Variants in KCTD20 observed in about 807,000 individuals in gnomAD.
The protein encoded by KCTD20 is potassium channel tetramerization domain containing 20.
Under a neutral mutation model 39.6 loss-of-function variants are expected in KCTD20, and 30 were observed. That is an observed-to-expected ratio of 0.76 (90% confidence interval 0.57 to 1.03). The LOEUF is 1.03. Ranked by LOEUF, KCTD20 falls within the 50% of genes least tolerant of loss-of-function variation. The pLI is 0.00. For missense variants in KCTD20, 422 were observed against 522.0 expected (o/e 0.81, Z 1.87); for synonymous variants, 162 against 180.6 (o/e 0.90, Z 0.83).
rs929844504 is a variant in KCTD20 at position 36,469,484 on chromosome 6, T to C, written c.-46-568T>C. 6.6e-6 allele frequency among the ~76,000 whole-genome samples: 1 copy of C among 151,086 alleles called. No individual in the cohort carries two copies. Among genetic ancestry groups the C allele is most frequent in the African/African-American group, 2.4e-5 (1 of 40,940 alleles). On this transcript the variant is annotated intron_variant, in intron 1 of 7. Transcript: ENST00000373731. The surrounding 1 kb of genome is among the most constrained non-coding windows in gnomAD (Gnocchi z 4.6). ...GCCAGTGTGATTTTGAGGTGGGGTT[T>C]CGGGATTGAGCATAAGGTATACAAA... is the stretch of plus-strand genomic sequence containing the variant.
intron 6 of KCTD20, among the ~76,000 whole-genome samples, chr6:36,482,769 A>C (rs1285597864): frequency 6.6e-6 from 1 of 151,906 alleles, no homozygotes; most frequent in East Asian, 1.9e-4. Context: ...AATATAGTGA[A>C]ACCCCATCTC....
intron 2 of KCTD20, 120 bp from the exon 3 acceptor site, chr6:36,474,669 G>T: frequency 2.3e-6 from 2 of 885,444 alleles, no homozygotes; most frequent in African/African-American, 1.7e-5. Context: ...TTTTTTGCCT[G>T]TGAACATCTA....
chr6:36,474,393 G>A (rs1776002011), intron 2 of KCTD20, among the ~76,000 whole-genome samples: 1 of 152,172 alleles, frequency 6.6e-6, no homozygotes, highest in Non-Finnish European at 1.5e-5. Flanking sequence ...GTGAAAACAA[G>A]TAAAAAGTGA....
At chr6:36,471,839 G>C (rs1436212825) in intron 2 of KCTD20, among the ~76,000 whole-genome samples, 1 of 151,572 alleles carries the variant, frequency 6.6e-6, no homozygotes, top group East Asian at 1.9e-4. Flanking sequence ...TAGTAATTCT[G>C]GTATCTATTT....
rs1348871229 is a variant in KCTD20 at position 36,488,910 on chromosome 6, C to G, written c.*1735C>G. ...GTAGTAAGTGGTTAAACTGAGCTAT[C>G]CCCCACCTGATGACTATTGGCATCC... On this transcript the variant is annotated 3_prime_UTR_variant, in exon 8 of 8. Coordinates refer to ENST00000373731, the MANE Select transcript of KCTD20 (RefSeq NM_173562.5). The G allele has an allele frequency of 6.6e-6, 1 of 152,642 alleles. No individual in the cohort carries two copies. Among genetic ancestry groups the G allele is most frequent in the East Asian group, 1.9e-4 (1 of 5,202 alleles). The allele number at this position is 152,642 out of a possible 1,614,324, so 9.5% of individuals were successfully genotyped here. A position where few individuals can be genotyped will look rare whatever the true frequency, so the allele number is the denominator to read the frequency against.
In KCTD20 at chr6:36,469,793, A is replaced by G. The variant is rs1034120284; in HGVS notation, c.-46-259A>G. Among the ~76,000 whole-genome samples, 4 of 152,226 alleles carry G rather than the reference A, an allele frequency of 2.6e-5. No homozygotes were observed. Among genetic ancestry groups the G allele is most frequent in the African/African-American group, 9.7e-5 (4 of 41,450 alleles). ...GTAGAATTGATCAAGAATGTGACCA[A>G]AGTCAGTGAATTTGATGTCTGTTCA... On this transcript the variant is annotated intron_variant, in intron 1 of 7. Transcript: ENST00000373731. This position sits in a 1 kb window ranked among gnomAD's most constrained non-coding sequence, Gnocchi z 4.6.
chr6:36,483,118 C>CAAA lies in KCTD20; in HGVS notation c.856+1376_856+1378dup, dbSNP rs767686820. ...TGGGTAACAGAGCGAGACTCCGTTT[C>CAAA]AAAAAAAAAAAAAAAAAAATTATAC... On this transcript the variant is annotated intron_variant, in intron 6 of 7. Coordinates refer to ENST00000373731, the MANE Select transcript of KCTD20 (RefSeq NM_173562.5). Among the ~76,000 whole-genome samples the CAAA allele has an allele frequency of 5.5e-5, 6 of 108,282 alleles. 1 individual carries two copies. The highest frequency in any genetic ancestry group is 1.3e-4 in the Non-Finnish European group (6 of 47,070). 71.0% of individuals were successfully genotyped at this position (108,282 alleles called of 152,430 possible).
intron 6 of KCTD20, among the ~76,000 whole-genome samples, chr6:36,482,169 G>A (rs543899432): frequency 3.3e-5 from 5 of 152,282 alleles, no homozygotes; most frequent in East Asian, 1.9e-4. Context: ...GGTATATTCA[G>A]TGTACATATA....
Position 36,469,513 on chromosome 6 carries a change from AAAGAG to A in KCTD20, c.-46-537_-46-533del, listed in dbSNP as rs1175411197. ...GATTGAGCATAAGGTATACAAAGTG[AAAGAG>A]AGAAAAGGGGAGATAAAAAGGAGAA... On this transcript the variant is annotated intron_variant, in intron 1 of 7. Coordinates refer to ENST00000373731, the MANE Select transcript of KCTD20 (RefSeq NM_173562.5). This position sits in a 1 kb window ranked among gnomAD's most constrained non-coding sequence, Gnocchi z 4.6. Among the ~76,000 whole-genome samples the A allele has an allele frequency of 2.1e-5, 3 of 142,164 alleles. No homozygotes were observed. The highest frequency in any genetic ancestry group is 8.0e-5 in the African/African-American group (3 of 37,528). The allele number at this position is 142,164 out of a possible 152,430, so 93.3% of individuals were successfully genotyped here. A position where few individuals can be genotyped will look rare whatever the true frequency, so the allele number is the denominator to read the frequency against.
Position 36,486,934 on chromosome 6 carries a change from A to C in KCTD20, c.1019A>C (p.Glu340Ala), listed in dbSNP as rs1582382169. 1.2e-6 allele frequency: 2 copies of C among 1,614,060 alleles called. No homozygotes were observed. The highest frequency in any genetic ancestry group is 1.7e-6 in the Non-Finnish European group (2 of 1,180,022). ...AAGAGAAGGCCTGGCGGCCGGTCTG[A>C]AGTCATCTATAATTATGTACAACGC... ...KIKRRPGGRS[E>A]VIYNYVQRPF... The change falls in exon 8 of 8, where the codon GAA becomes GCA. Residue 340 changes from glutamate (E) to alanine (A), a missense_variant. Glu to Ala is a moderately radical substitution (Grantham distance 107). Coordinates refer to ENST00000373731, the MANE Select transcript of KCTD20 (RefSeq NM_173562.5).
chr6:36,451,181 G>C (rs979509195), intron 1 of KCTD20: 2 of 152,080 alleles, frequency 1.3e-5, no homozygotes, highest in Admixed American at 1.3e-4. Context: ...AGTAGCTGGG[G>C]CTACAATAGT....
Position 36,462,499 on chromosome 6 carries a change from T to G in KCTD20, c.-46-7553T>G, listed in dbSNP as rs1239715939. Among the ~76,000 whole-genome samples the G allele has an allele frequency of 4.4e-4, 67 of 152,276 alleles. 1 individual carries two copies. The East Asian group carries it at 0.013, about 28-fold the overall frequency. On this transcript the variant is annotated intron_variant, in intron 1 of 7. Transcript: ENST00000373731. ...GATCACTTGAGGAGCGTGTTACAAG[T>G]TCAGATTCTCCAGACCCAACTAAAG...
At chr6:36,455,873 G>GT (rs1204129839) in intron 1 of KCTD20, among the ~76,000 whole-genome samples, 2 of 152,092 alleles carry the variant, frequency 1.3e-5, no homozygotes, top group South Asian at 2.1e-4. Context: ...CTTACTTAAA[G>GT]TAAGTAACTA....
chr6:36,477,913 G>T (rs1776116716), intron 3 of KCTD20, among the ~76,000 whole-genome samples: 1 of 150,986 alleles, frequency 6.6e-6, no homozygotes, highest in African/African-American at 2.4e-5. Flanking sequence ...AGACCACGAT[G>T]AAACCCTGTC....
chr6:36,463,865 GA>G (rs1193159729), intron 1 of KCTD20, among the ~76,000 whole-genome samples: 2 of 152,120 alleles, frequency 1.3e-5, no homozygotes, highest in Non-Finnish European at 2.9e-5. Context: ...TATCTGTAGG[GA>G]ATAAATAGGA....
At position 36,456,570 on chromosome 6, in the gene KCTD20, C is replaced by T. The variant is rs57461559; in HGVS notation, c.-47+13459C>T. Among the ~76,000 whole-genome samples the T allele has an allele frequency of 9.6e-3, 1,416 of 147,068 alleles. 12 individuals are homozygous for T. Among genetic ancestry groups the T allele is most frequent in the African/African-American group, 0.033 (1,307 of 39,616 alleles). Reference sequence around the variant, plus strand: ...TTGGGATTACAGGCCTGAGCCACCACGCCCAGGCTTTTTTTTTTTTTTTTT... The same window carrying T: ...TTGGGATTACAGGCCTGAGCCACCATGCCCAGGCTTTTTTTTTTTTTTTTT... On this transcript the variant is annotated intron_variant, in intron 1 of 7. Transcript: ENST00000373731.
chr6:36,470,362 T>A, intron 2 of KCTD20, 105 bp downstream of exon 2: 2 of 1,100,576 alleles, frequency 1.8e-6, no homozygotes, highest in Non-Finnish European at 2.6e-6. Context: ...ATTATCCAAT[T>A]AATTGCTTAG....
At position 36,481,627 on chromosome 6, in the gene KCTD20, C is replaced by T. The variant is rs1327243868; in HGVS notation, c.724C>T (p.Leu242Phe). ...GCAGTTTGATCACTACCTCGAAGAG[C>T]TCATCTTGCCCATCATGGTGGGCTG... Reference protein sequence around the residue: ...HKQFDHYLEELILPIMVGCAK... With the variant: ...HKQFDHYLEEFILPIMVGCAK... The change falls in exon 6 of 8, where the codon CTC (leucine) becomes TTC (phenylalanine). Residue 242 changes from leucine to phenylalanine, a missense_variant. Transcript: ENST00000373731. 2 of 1,614,228 alleles carry T rather than the reference C, an allele frequency of 1.2e-6. No individual in the cohort carries two copies. Among genetic ancestry groups the T allele is most frequent in the Non-Finnish European group, 8.5e-7 (1 of 1,180,036 alleles).
At chr6:36,470,443 C>CTAA (rs2127444799) in intron 2 of KCTD20, among the ~76,000 whole-genome samples, 186 bp downstream of exon 2, 1 of 152,272 alleles carries the variant, frequency 6.6e-6, no homozygotes, top group South Asian at 2.1e-4. Flanking sequence ...TCTAGCACAT[C>CTAA]TAATATGGTG....
Sources: allele counts gnomAD v4.1 joint callset (sites outside exome capture counted in the v4.1 genomes callset), GRCh38; gene constraint gnomAD v4.1.1; non-coding constraint Gnocchi (gnomAD v3.1); transcripts MANE v1.5; gene names NCBI Gene and HGNC (gene_info 2026-07-23, HGNC 2026-07-21).